The following SPANXN4 variants were observed in gnomAD, a reference collection of about 807,000 sequenced individuals.
SPANXN4 encodes sperm protein associated with the nucleus on the X chromosome N4.
SPANXN4 carries 5 observed loss-of-function variants against 6.0 expected under a neutral mutation model. The observed-to-expected ratio is 0.83, with a 90% CI of 0.44 to 1.75. The LOEUF (loss-of-function observed/expected upper bound fraction) is 1.75. SPANXN4 is among the 40% of genes most tolerant of loss of function. SPANXN4 has a pLI of 0.02. For missense variants in SPANXN4, 157 were observed against 108.6 expected (o/e 1.45, Z -1.98); for synonymous variants, 45 against 38.0 (o/e 1.19, Z -0.68).
chrX:143,037,470 C>G (rs750491332), downstream of SPANXN4, among the ~76,000 whole-genome samples: 50 of 111,617 alleles, frequency 4.5e-4, no homozygotes, highest in African/African-American at 1.6e-3. Context: ...CCTGCAGTTT[C>G]TCACTCCCCC....
intron 1 of SPANXN4, among the ~76,000 whole-genome samples, chrX:143,027,684 G>A (rs751419637): frequency 1.8e-5 from 2 of 111,322 alleles, no homozygotes; most frequent in East Asian, 5.7e-4. Flanking sequence ...AGGAAGGGCT[G>A]TGAACTGCTG....
downstream of SPANXN4, among the ~76,000 whole-genome samples, chrX:143,037,575 T>C (rs1932849657): frequency 9.0e-6 from 1 of 111,539 alleles, no homozygotes; most frequent in South Asian, 3.8e-4. Flanking sequence ...GAAACTGCTG[T>C]TTATCAATTC....
At chrX:143,038,063 CA>C (rs1271492216), downstream of SPANXN4, among the ~76,000 whole-genome samples, 7 of 111,782 alleles carry the variant, frequency 6.3e-5, no homozygotes, top group Non-Finnish European at 1.1e-4. Context: ...CTTTCGATAG[CA>C]GTTCAACACA....
chrX:143,026,316 G>T (rs1015331393), intron 1 of SPANXN4, among the ~76,000 whole-genome samples: 4 of 111,560 alleles, frequency 3.6e-5, no homozygotes, highest in African/African-American at 9.8e-5. Flanking sequence ...ATAAGATGTT[G>T]TTATGATCAG....
chrX:143,033,629 T>G (rs964346347), intron 1 of SPANXN4, among the ~76,000 whole-genome samples: 35 of 111,404 alleles, frequency 3.1e-4, no homozygotes, highest in African/African-American at 1.0e-3. Flanking sequence ...GTTTGACCCT[T>G]TTTCCTGTGG....
In SPANXN4 at chrX:143,029,172, C is replaced by T. The variant is rs142888227; in HGVS notation, c.78+3080C>T. Among the ~76,000 whole-genome samples, 369 of 111,207 alleles carry T rather than the reference C, an allele frequency of 3.3e-3. 2 individuals carry two copies. The highest frequency in any genetic ancestry group is 5.3e-3 in the Non-Finnish European group (283 of 53,014). On this transcript the variant is annotated intron_variant, in intron 1 of 2. Transcript: ENST00000370504. ...TTTCCCTTTGTTATGGCATCTGTAG[C>T]CTTTTGGTGTCCCTTTCAATGGATA...
At chrX:143,026,117 A>G in intron 1 of SPANXN4, 25 bp downstream of exon 1, 1 of 1,175,027 alleles carries the variant, frequency 8.5e-7, no homozygotes, top group East Asian at 3.0e-5. Context: ...TTTTGAAGGG[A>G]AGGTGAGGGT....
downstream of SPANXN4, among the ~76,000 whole-genome samples, chrX:143,035,328 T>C (rs1341139782): frequency 3.6e-5 from 4 of 110,733 alleles, no homozygotes; most frequent in East Asian, 2.8e-4. Context: ...TGAGTGTCAA[T>C]ACATGTTTTT....
At chrX:143,033,928 A>T in intron 1 of SPANXN4, 97 bp from the exon 2 acceptor site, 1 of 802,025 alleles carries the variant, frequency 1.2e-6, no homozygotes. Context: ...CCCTTCCTCA[A>T]CCTGCATTCC....
chrX:143,029,003 A>T (rs1031925814), intron 1 of SPANXN4, among the ~76,000 whole-genome samples: 1 of 112,028 alleles, frequency 8.9e-6, no homozygotes, highest in African/African-American at 3.2e-5. Flanking sequence ...TCATTGAGGT[A>T]GAACTATTTT....
exon 3 of SPANXN4, chrX:143,034,659 G>A (rs1403957611): frequency 8.7e-7 from 1 of 1,155,589 alleles, no homozygotes; most frequent in Admixed American, 2.7e-5. Flanking sequence ...CCTCAGAGTG[G>A]TGTGTTTTGT....
chrX:143,035,075 CAA>C (rs780134042), downstream of SPANXN4, among the ~76,000 whole-genome samples: 27 of 39,088 alleles, frequency 6.9e-4, no homozygotes, highest in African/African-American at 2.6e-3. Flanking sequence ...GACTCTGTCT[CAA>C]AAAAAAAAAA....
At chrX:143,034,755 C>A, downstream of SPANXN4, 1 of 1,066,310 alleles carries the variant, frequency 9.4e-7, no homozygotes, top group South Asian at 3.0e-5. Flanking sequence ...ATGCCACACA[C>A]AATAAAATAA....
chrX:143,030,825 C>T (rs965003827), intron 1 of SPANXN4, among the ~76,000 whole-genome samples: 6 of 110,988 alleles, frequency 5.4e-5, no homozygotes, highest in African/African-American at 1.3e-4. Context: ...CATGTTGTAG[C>T]GAAAGTTGAC....
At chrX:143,037,083 G>C (rs1932847196), downstream of SPANXN4, among the ~76,000 whole-genome samples, 1 of 111,223 alleles carries the variant, frequency 9.0e-6, no homozygotes, top group African/African-American at 3.3e-5. Flanking sequence ...AATTAATATA[G>C]TCAATGATAA....
At chrX:143,026,294 G>A (rs1460899956) in intron 1 of SPANXN4, among the ~76,000 whole-genome samples, 3 of 111,526 alleles carry the variant, frequency 2.7e-5, no homozygotes, top group African/African-American at 3.3e-5. Context: ...CTGGCTGCTC[G>A]GCGGAATATT....
exon 2 of SPANXN4, chrX:143,034,154 A>G (rs1932829519): frequency 2.5e-6 from 3 of 1,181,517 alleles, no homozygotes; most frequent in Non-Finnish European, 3.4e-6. Flanking sequence ...ACTGGAGAAT[A>G]ACCAGCCTAC....
intron 1 of SPANXN4, 88 bp downstream of exon 1, chrX:143,026,180 G>T (rs964791435): frequency 1.3e-6 from 1 of 751,377 alleles, no homozygotes; most frequent in Non-Finnish European, 1.9e-6. Flanking sequence ...CGGGTATACT[G>T]CAGACACCTG....
At chrX:143,034,221 C>T in exon 2 of SPANXN4, 1 of 1,174,737 alleles carries the variant, frequency 8.5e-7, no homozygotes, top group Non-Finnish European at 1.1e-6. Context: ...TCTGCAGGAT[C>T]TCCACAGGAT....
Sources: gnomAD v4.1 joint callset for allele counts (sites outside exome capture counted in the v4.1 genomes callset) on GRCh38, gnomAD v4.1.1 for gene constraint, MANE v1.5 for transcripts, NCBI Gene and HGNC (gene_info 2026-07-23, HGNC 2026-07-21) for gene names.